Variants in SLC16A5 observed in about 807,000 individuals in gnomAD.
SLC16A5 encodes the protein monocarboxylate transporter 6.
A neutral mutation model predicts 33.2 loss-of-function variants in SLC16A5; 29 were observed. The ratio of observed to expected loss-of-function variants is 0.87; its 90% CI spans 0.65 to 1.19. The LOEUF (loss-of-function observed/expected upper bound fraction) is 1.19. Among genes scored for constraint, SLC16A5 ranks in the 50% most tolerant of loss-of-function variants. SLC16A5 has a pLI of 0.00. For missense variants in SLC16A5, 606 were observed against 678.2 expected (o/e 0.89, Z 1.18); for synonymous variants, 248 against 284.1 (o/e 0.87, Z 1.28).
intron 4 of SLC16A5, among the ~76,000 whole-genome samples, chr17:75,099,396 C>A (rs368660992): frequency 3.3e-5 from 5 of 151,982 alleles, no homozygotes; most frequent in African/African-American, 1.2e-4. Context: ...GGTGTTAAGC[C>A]AAGAGAGACT....
At chr17:75,097,324 A>AT (rs544430117) in intron 3 of SLC16A5, among the ~76,000 whole-genome samples, 109 of 151,834 alleles carry the variant, frequency 7.2e-4, no homozygotes, top group African/African-American at 2.5e-3. Context: ...GCTCTTTTCT[A>AT]TTTTTTTGGG....
In SLC16A5 at chr17:75,100,394, G is replaced by A. The variant is rs1190766502; in HGVS notation, c.731G>A (p.Gly244Asp). Residue 244 changes from glycine to aspartate, a missense_variant, in exon 5 of 7, where the codon GGT (glycine) becomes GAT (aspartate). By Grantham distance (94) the Gly-to-Asp change is moderately conservative. Coordinates refer to ENST00000329783, the MANE Select transcript of SLC16A5 (RefSeq NM_004695.4). ...ACAGGCTACTGCGTGTACATACTGG[G>A]TGTGATGTGGTCCGTCCTGGGCTTC... ...HNTGYCVYIL[G>D]VMWSVLGFPL... The A allele has an allele frequency of 2.2e-5, 36 of 1,614,224 alleles. No homozygotes were observed. The highest frequency in any genetic ancestry group is 2.9e-5 in the Non-Finnish European group (34 of 1,180,048).
intron 5 of SLC16A5, among the ~76,000 whole-genome samples, chr17:75,102,983 T>C (rs992261070): frequency 5.3e-5 from 8 of 151,822 alleles, no homozygotes; most frequent in Non-Finnish European, 4.4e-5. Context: ...CTCTGCCTCC[T>C]GGGTTCAAGC....
rs375866604 is a variant in SLC16A5 at position 75,093,330 on chromosome 17, C to T, written c.-48-259C>T. 79 of 1,374,480 alleles carry T rather than the reference C, an allele frequency of 5.7e-5. 1 individual carries two copies. In the South Asian group the frequency reaches 7.5e-4, roughly 13 times the overall value. The allele number at this position is 1,374,480 out of a possible 1,614,324, so 85.1% of individuals were successfully genotyped here. On this transcript the variant is annotated intron_variant, in intron 2 of 6. Coordinates refer to ENST00000329783, the MANE Select transcript of SLC16A5 (RefSeq NM_004695.4). ...TTGCCTGGTGCCACCTGCCCTGCCC[C>T]GTCCTGTCCCTCCTATCCCTCCTGT... is the stretch of plus-strand genomic sequence containing the variant.
At chr17:75,093,494 G>A in intron 2 of SLC16A5, 95 bp from the exon 3 acceptor site, 2 of 1,536,752 alleles carry the variant, frequency 1.3e-6, no homozygotes, top group Non-Finnish European at 1.7e-6. Context: ...TGGGTATGAG[G>A]AAGGGATGGC....
Position 75,101,385 on chromosome 17 carries a change from C to G in SLC16A5, c.1153+569C>G, listed in dbSNP as rs185911996. Among the ~76,000 whole-genome samples, 627 of 151,296 alleles carry G rather than the reference C, an allele frequency of 4.1e-3. 2 individuals carry two copies. Among genetic ancestry groups the G allele is most frequent in the African/African-American group, 0.014 (593 of 41,224 alleles). On this transcript the variant is annotated intron_variant, in intron 5 of 6. Coordinates refer to ENST00000329783, the MANE Select transcript of SLC16A5 (RefSeq NM_004695.4). ...ACCAACATGGCTAACGTGGTGAAAC[C>G]CCATCTCTACTAAAAATACAAAAAA... is the stretch of plus-strand genomic sequence containing the variant.
Position 75,093,768 on chromosome 17 carries a change from G to T in SLC16A5, c.132G>T (p.Glu44Asp). The change falls in exon 3 of 7, where the codon GAG (glutamate) becomes GAT (aspartate). Residue 44 changes from glutamate to aspartate, a missense_variant. Physicochemically the swap from Glu to Asp is conservative, Grantham distance 45. Transcript: ENST00000329783. ...TCTTCTTCACTGAATTGCAATGGGA[G>T]TTCCAGGCCAGCAACAGCGAGACCT... ...IGIFFTELQW[E>D]FQASNSETSW... The T allele has an allele frequency of 6.2e-7, 1 of 1,614,192 alleles. No individual in the cohort carries two copies. Among genetic ancestry groups the T allele is most frequent in the Non-Finnish European group, 8.5e-7 (1 of 1,180,004 alleles).
chr17:75,098,120 G>A lies in SLC16A5; in HGVS notation c.282G>A (p.Met94Ile), dbSNP rs1198977440. ...MLGGVLASLGMVASSFSHNLS... is the reference protein window; with the variant it reads ...MLGGVLASLGIVASSFSHNLS... ...GGGGCGTGCTGGCCAGCCTGGGCAT[G>A]GTGGCCAGCTCCTTCTCTCACAACC... The change falls in exon 4 of 7, where the codon ATG becomes ATA. Residue 94 changes from methionine to isoleucine, a missense_variant. Transcript: ENST00000329783. The A allele has an allele frequency of 1.2e-6, 2 of 1,611,568 alleles. No homozygotes were observed.
chr17:75,092,091 C>T (rs923348935), intron 2 of SLC16A5, among the ~76,000 whole-genome samples: 2 of 150,186 alleles, frequency 1.3e-5, no homozygotes, highest in African/African-American at 4.9e-5. Flanking sequence ...TGTGTGTGTC[C>T]GTATGTCTGT....
intron 6 of SLC16A5, chr17:75,104,546 A>C (rs1181609040): frequency 3.5e-6 from 3 of 848,020 alleles, no homozygotes; most frequent in Non-Finnish European, 4.4e-6. Flanking sequence ...CTGCCCCCCA[A>C]GTTCAAGCGA....
In SLC16A5 at chr17:75,100,189, G is replaced by A. The variant is rs2073773209; in HGVS notation, c.526G>A (p.Gly176Ser). ...LGWRGTFLVF[G>S]GIFLHCCICG... Reference sequence around the variant, plus strand: ...CTGGAGGGGTACCTTCCTTGTCTTCGGCGGGATCTTTCTCCACTGCTGCAT... The same window carrying A: ...CTGGAGGGGTACCTTCCTTGTCTTCAGCGGGATCTTTCTCCACTGCTGCAT... The change falls in exon 5 of 7, where the codon GGC becomes AGC. Residue 176 changes from glycine (G) to serine (S), a missense_variant. Coordinates refer to ENST00000329783, the MANE Select transcript of SLC16A5 (RefSeq NM_004695.4). 3.1e-6 allele frequency: 5 copies of A among 1,614,204 alleles called. No individual in the cohort carries two copies. The highest frequency in any genetic ancestry group is 2.2e-5 in the East Asian group (1 of 44,884).
At chr17:75,107,018 G>GAA (rs776631773), downstream of SLC16A5, among the ~76,000 whole-genome samples, 1 of 143,078 alleles carries the variant, frequency 7.0e-6, no homozygotes, top group African/African-American at 2.6e-5. Context: ...TAAGGAAAGG[G>GAA]AAAAAAAAAA....
intron 5 of SLC16A5, among the ~76,000 whole-genome samples, chr17:75,102,332 C>T (rs150841591): frequency 0.023 from 3,551 of 152,160 alleles, 127 homozygotes; most frequent in African/African-American, 0.081. Flanking sequence ...TGCTTAAACC[C>T]GGGAGGTGGA....
rs768410314 is a variant in SLC16A5, at chr17:75,100,325, G to A, written c.662G>A (p.Arg221Gln). Reference protein sequence around the residue: ...PALGCLAACGRTIQRHLAFDI... With the variant: ...PALGCLAACGQTIQRHLAFDI... ...CTTGGCTGCCTGGCTGCATGCGGCC[G>A]GACCATCCAGCGCCACCTGGCCTTC... The change falls in exon 5 of 7, where the codon CGG becomes CAG. Residue 221 changes from arginine to glutamine, a missense_variant. Coordinates refer to ENST00000329783, the MANE Select transcript of SLC16A5 (RefSeq NM_004695.4). 13 of 1,614,058 alleles carry A rather than the reference G, an allele frequency of 8.1e-6. No individual in the cohort carries two copies. Among genetic ancestry groups the A allele is most frequent in the African/African-American group, 4.0e-5 (3 of 74,928 alleles).
At chr17:75,105,731 GACAA>G (rs2073854427) in intron 6 of SLC16A5, 145 bp from the exon 7 acceptor site, 10 of 1,394,288 alleles carry the variant, frequency 7.2e-6, no homozygotes, top group African/African-American at 4.4e-5. Flanking sequence ...TAATGAAGCT[GACAA>G]ACAGAGCTGG....
chr17:75,089,871 C>T (rs1339821615), intron 2 of SLC16A5: 1 of 151,802 alleles, frequency 6.6e-6, no homozygotes, highest in Non-Finnish European at 1.5e-5. Flanking sequence ...TTTAAGACTA[C>T]TCAGGAGCGG....
intron 5 of SLC16A5, among the ~76,000 whole-genome samples, chr17:75,103,333 CT>C (rs1194395211): frequency 0.088 from 11,342 of 128,446 alleles, 1,330 homozygotes; most frequent in African/African-American, 0.28. Flanking sequence ...CAAGGGAATT[CT>C]TTTTTTTTTT....
downstream of SLC16A5, chr17:75,109,905 A>G (rs1359620372): frequency 9.5e-6 from 2 of 209,532 alleles, no homozygotes; most frequent in Admixed American, 1.1e-4. This position sits in a 1 kb window ranked among gnomAD's most constrained non-coding sequence, Gnocchi z 5.0. Context: ...CACGCGCGCC[A>G]AGGAGTTCGG....
At position 75,100,262 on chromosome 17, in the gene SLC16A5, C is replaced by T. The variant is rs1297435270; in HGVS notation, c.599C>T (p.Thr200Ile). 1.2e-6 allele frequency: 2 copies of T among 1,614,236 alleles called. No homozygotes were observed. The highest frequency in any genetic ancestry group is 1.7e-6 in the Non-Finnish European group (2 of 1,180,034). Residue 200 changes from threonine (T) to isoleucine (I), a missense_variant, in exon 5 of 7, where the codon ACC becomes ATC. Thr to Ile is a moderately conservative substitution (Grantham distance 89, BLOSUM62 -1). Transcript: ENST00000329783. ...RPVATSVAPE[T>I]KECPPPPPET... The stretch of plus-strand genomic sequence containing the variant: ...GTGGCCACCAGTGTGGCCCCTGAGA[C>T]CAAAGAATGTCCCCCGCCACCTCCC...
Sources: allele counts gnomAD v4.1 joint callset (sites outside exome capture counted in the v4.1 genomes callset), GRCh38; gene constraint gnomAD v4.1.1; non-coding constraint Gnocchi (gnomAD v3.1); transcripts MANE v1.5; gene names NCBI Gene and HGNC (gene_info 2026-07-23, HGNC 2026-07-21).